Variants in RNF150 observed in about 807,000 individuals in gnomAD.
RNF150 encodes ring finger protein 150.
RNF150 carries 24 observed loss-of-function variants against 39.3 expected under a neutral mutation model. That is an observed-to-expected ratio of 0.61 (90% CI 0.44 to 0.86). The LOEUF (loss-of-function observed/expected upper bound fraction) is 0.86. Ranked by LOEUF, RNF150 falls within the 40% of genes least tolerant of loss-of-function variation. The pLI, the probability that RNF150 is intolerant of heterozygous loss-of-function variation, is 0.00. For missense variants in RNF150, 502 were observed against 587.8 expected (o/e 0.85, Z 1.51); for synonymous variants, 255 against 227.3 (o/e 1.12, Z -1.10).
intron 6 of RNF150, among the ~76,000 whole-genome samples, chr4:140,894,762 C>T (rs367572869): frequency 9.9e-5 from 15 of 152,208 alleles, no homozygotes; most frequent in African/African-American, 2.9e-4. Flanking sequence ...TATTTTTGTC[C>T]GGCCTGCAAA....
At chr4:141,040,118 C>T (rs1736300365) in intron 1 of RNF150, among the ~76,000 whole-genome samples, 1 of 151,888 alleles carries the variant, frequency 6.6e-6, no homozygotes, top group African/African-American at 2.4e-5. Context: ...TGATCTCTCT[C>T]GATTTCTATC....
intron 1 of RNF150, among the ~76,000 whole-genome samples, chr4:141,066,149 A>T (rs1336247940): frequency 6.6e-6 from 1 of 151,850 alleles, no homozygotes; most frequent in East Asian, 1.9e-4. Context: ...CCACTGTTAA[A>T]TTCTTTTTCC....
chr4:141,196,579 A>G (rs2111209688), intron 1 of RNF150, among the ~76,000 whole-genome samples: 1 of 152,330 alleles, frequency 6.6e-6, no homozygotes, highest in African/African-American at 2.4e-5. Flanking sequence ...TCAAGTCAGG[A>G]AGGCTTTTGG....
intron 1 of RNF150, among the ~76,000 whole-genome samples, chr4:141,063,620 G>A (rs1258191372): frequency 6.6e-6 from 1 of 152,174 alleles, no homozygotes; most frequent in African/African-American, 2.4e-5. Flanking sequence ...GGAAAGGGCT[G>A]GATGGGGGTG....
At chr4:141,111,541 A>G (rs1481069597) in intron 1 of RNF150, among the ~76,000 whole-genome samples, 1 of 152,202 alleles carries the variant, frequency 6.6e-6, no homozygotes, top group East Asian at 1.9e-4. Context: ...TGTTCAGAGG[A>G]AAAAAGGAAT....
chr4:141,033,515 C>A (rs1736029140), intron 1 of RNF150, among the ~76,000 whole-genome samples: 1 of 152,182 alleles, frequency 6.6e-6, no homozygotes. Flanking sequence ...CCATGAATCA[C>A]AAATATTCTT....
intron 1 of RNF150, among the ~76,000 whole-genome samples, chr4:141,186,189 A>G (rs533977709): frequency 3.7e-4 from 56 of 152,228 alleles, no homozygotes; most frequent in Non-Finnish European, 5.6e-4. Context: ...TAGGCTATTT[A>G]TTACTGCCTC....
intron 1 of RNF150, among the ~76,000 whole-genome samples, chr4:141,109,770 A>G (rs1195560620): frequency 6.6e-6 from 1 of 152,210 alleles, no homozygotes; most frequent in Non-Finnish European, 1.5e-5. Context: ...TAAAAATCTA[A>G]CAAACACCTA....
intron 1 of RNF150, among the ~76,000 whole-genome samples, chr4:141,065,494 G>A (rs1371051540): frequency 6.6e-6 from 1 of 151,968 alleles, no homozygotes; most frequent in Non-Finnish European, 1.5e-5. Context: ...TATACCAGGG[G>A]TAACTGCTTA....
At chr4:140,910,072 T>A (rs954506868) in intron 6 of RNF150, among the ~76,000 whole-genome samples, 3 of 152,218 alleles carry the variant, frequency 2.0e-5, no homozygotes, top group African/African-American at 7.2e-5. Context: ...CTTTTTTTAG[T>A]CTGTTCTTTC....
At chr4:140,922,728 G>T (rs931472880) in intron 5 of RNF150, among the ~76,000 whole-genome samples, 12 of 152,056 alleles carry the variant, frequency 7.9e-5, no homozygotes, top group African/African-American at 2.9e-4. Context: ...TTGGTTACAA[G>T]GCTACAGTAA....
intron 1 of RNF150, among the ~76,000 whole-genome samples, chr4:141,200,574 T>C (rs1261547125): frequency 6.6e-6 from 1 of 152,174 alleles, no homozygotes; most frequent in Non-Finnish European, 1.5e-5. Flanking sequence ...GAGGATTCCA[T>C]CCTCATGACC....
rs73857109 is a variant in RNF150 at position 140,889,326 on chromosome 4, A to C, written c.1199-20947T>G. 8.2e-3 allele frequency among the ~76,000 whole-genome samples: 1,249 copies of C among 152,308 alleles called. 13 individuals carry two copies. The highest frequency in any genetic ancestry group is 0.029 in the African/African-American group (1,206 of 41,562). On this transcript the variant is annotated intron_variant, in intron 6 of 6. Transcript: ENST00000515673. ...TGACACCTCTATTCTCACACCTTTC[A>C]GAAGTACTGTGATTTTTCCTGAATC... is the stretch of plus-strand genomic sequence containing the variant.
At chr4:140,900,134 C>T (rs1208110522) in intron 6 of RNF150, among the ~76,000 whole-genome samples, 1 of 152,082 alleles carries the variant, frequency 6.6e-6, no homozygotes. Context: ...AAATTGTCCC[C>T]TGAGGTTCAA....
At chr4:141,093,076 G>T (rs991899512) in intron 1 of RNF150, among the ~76,000 whole-genome samples, 5 of 152,058 alleles carry the variant, frequency 3.3e-5, no homozygotes, top group Non-Finnish European at 7.4e-5. Flanking sequence ...GATAAAAAAG[G>T]GAACTGGTGG....
At chr4:140,900,352 G>C (rs2111249077) in intron 6 of RNF150, among the ~76,000 whole-genome samples, 1 of 152,290 alleles carries the variant, frequency 6.6e-6, no homozygotes, top group Middle Eastern at 3.4e-3. Flanking sequence ...CCAATTTACT[G>C]ATGGGCTGAC....
intron 1 of RNF150, among the ~76,000 whole-genome samples, chr4:141,017,244 TC>T (rs1224557995): frequency 1.3e-5 from 2 of 152,176 alleles, no homozygotes; most frequent in Non-Finnish European, 2.9e-5. Context: ...TTTCCTAAAC[TC>T]CTACTTCTGT....
chr4:141,188,857 AC>A (rs1198283899), intron 1 of RNF150, among the ~76,000 whole-genome samples: 1 of 152,108 alleles, frequency 6.6e-6, no homozygotes, highest in Admixed American at 6.6e-5. Flanking sequence ...TTTATTACCC[AC>A]CTTCTTGAAG....
intron 4 of RNF150, among the ~76,000 whole-genome samples, chr4:140,933,727 T>C (rs890633405): frequency 6.6e-6 from 1 of 152,246 alleles, no homozygotes; most frequent in African/African-American, 2.4e-5. Context: ...TGCTTTTCCC[T>C]GTTCCTTGTG....
Sources: gnomAD v4.1 joint callset for allele counts (sites outside exome capture counted in the v4.1 genomes callset) on GRCh38, gnomAD v4.1.1 for gene constraint, MANE v1.5 for transcripts, NCBI Gene and HGNC (gene_info 2026-07-23, HGNC 2026-07-21) for gene names.